SGCZ: variants seen among roughly 807,000 people sequenced by gnomAD.
The protein encoded by SGCZ is zeta-sarcoglycan.
In SGCZ, 40 loss-of-function variants were observed where a neutral mutation model predicts 41.3. That is an observed-to-expected ratio of 0.97 (90% confidence interval 0.75 to 1.26). The LOEUF (loss-of-function observed/expected upper bound fraction) is 1.26. Ranked by LOEUF, SGCZ falls within the 50% of genes most tolerant of loss-of-function variation. The pLI is 0.00. For missense variants in SGCZ, 552 were observed against 369.8 expected (o/e 1.49, Z -4.04); for synonymous variants, 206 against 137.5 (o/e 1.50, Z -3.49).
chr8:15,198,793 A>C (rs548450713), intron 1 of SGCZ, among the ~76,000 whole-genome samples: 8 of 152,276 alleles, frequency 5.3e-5, no homozygotes, highest in Admixed American at 3.3e-4. Context: ...AATGTCGCAC[A>C]GCTAAGTTAC....
In SGCZ at chr8:14,090,391, G is replaced by A. The variant is rs1359792278; in HGVS notation, c.*52C>T. 6.4e-7 allele frequency: 1 copy of A among 1,564,480 alleles called. No individual in the cohort carries two copies. Among genetic ancestry groups the A allele is most frequent in the Non-Finnish European group, 8.7e-7 (1 of 1,152,462 alleles). On this transcript the variant is annotated 3_prime_UTR_variant, in exon 8 of 8. Coordinates refer to ENST00000382080, the MANE Select transcript of SGCZ (RefSeq NM_139167.4). ...AAGGGAAACCGAGCAGAACTGTGAA[G>A]CAGACGGACAGGAACAAAAGGCTAT...
rs532883172 is a variant in SGCZ at position 15,062,827 on chromosome 8, C to T, written c.39+174758G>A. Among the ~76,000 whole-genome samples, 276 of 152,174 alleles carry T rather than the reference C, an allele frequency of 1.8e-3. 5 individuals carry two copies. Among genetic ancestry groups the T allele is most frequent in the South Asian group, 0.015 (71 of 4,826 alleles). On this transcript the variant is annotated intron_variant, in intron 1 of 7. Coordinates refer to ENST00000382080, the MANE Select transcript of SGCZ (RefSeq NM_139167.4). ...TAAAATATCACTACATATGATTAATCGATTTGGCTCCTTTTAGTAAAGATA... is the reference window on the plus strand; with the variant it reads ...TAAAATATCACTACATATGATTAATTGATTTGGCTCCTTTTAGTAAAGATA...
In SGCZ at chr8:14,709,909, T is replaced by G. The variant is rs542284473; in HGVS notation, c.40-154983A>C. 2.6e-5 allele frequency among the ~76,000 whole-genome samples: 4 copies of G among 152,244 alleles called. No homozygotes were observed. In the East Asian group the frequency reaches 7.7e-4, roughly 29 times the overall value. On this transcript the variant is annotated intron_variant, in intron 1 of 7. Transcript: ENST00000382080. ...TCTCCTTATTTTATAAATGAACAAG[T>G]AATTGTCTTAATATTATGTACCTGT... is the stretch of plus-strand genomic sequence containing the variant.
chr8:14,659,633 G>A (rs529840760), intron 1 of SGCZ, among the ~76,000 whole-genome samples: 22 of 152,174 alleles, frequency 1.4e-4, no homozygotes, highest in East Asian at 1.9e-4. Flanking sequence ...CATTTTAAAC[G>A]GTGGTCTTGG....
At chr8:14,160,267 G>T (rs943950364) in intron 5 of SGCZ, among the ~76,000 whole-genome samples, 2 of 152,132 alleles carry the variant, frequency 1.3e-5, no homozygotes, top group Non-Finnish European at 2.9e-5. Flanking sequence ...TTAAAGCAGA[G>T]TGGCTTATTC....
intron 1 of SGCZ, among the ~76,000 whole-genome samples, chr8:14,971,336 C>T (rs964635992): frequency 3.9e-5 from 6 of 152,016 alleles, no homozygotes; most frequent in Non-Finnish European, 7.4e-5. Context: ...AGCGAATATC[C>T]TTGTTTTGTT....
At chr8:14,090,682 A>G (rs559944337) in intron 7 of SGCZ, 45 bp from the exon 8 acceptor site, 1 of 1,539,402 alleles carries the variant, frequency 6.5e-7, no homozygotes, top group Admixed American at 1.8e-5. Flanking sequence ...TTAGAAATGT[A>G]GCATCGAGTA....
At chr8:14,607,865 G>A (rs1319512770) in intron 1 of SGCZ, among the ~76,000 whole-genome samples, 3 of 152,206 alleles carry the variant, frequency 2.0e-5, no homozygotes, top group Non-Finnish European at 2.9e-5. Context: ...AGTGTTAGAA[G>A]AAGGTGTTAG....
chr8:15,169,636 G>C (rs1171290558), intron 1 of SGCZ, among the ~76,000 whole-genome samples: 2 of 152,192 alleles, frequency 1.3e-5, no homozygotes, highest in Admixed American at 6.5e-5. Flanking sequence ...TTATTTCTTA[G>C]AATCCTGGAG....
At chr8:15,186,434 G>C (rs1399485594) in intron 1 of SGCZ, among the ~76,000 whole-genome samples, 1 of 152,004 alleles carries the variant, frequency 6.6e-6, no homozygotes, top group Non-Finnish European at 1.5e-5. Flanking sequence ...ACTCATAAAT[G>C]TAAAAACTGT....
At chr8:14,512,981 A>T (rs977541098) in intron 2 of SGCZ, among the ~76,000 whole-genome samples, 1 of 152,156 alleles carries the variant, frequency 6.6e-6, no homozygotes, top group Non-Finnish European at 1.5e-5. Context: ...ATCCACACTA[A>T]TTATTCAGGG....
chr8:14,489,441 T>C (rs1366283799), intron 2 of SGCZ, among the ~76,000 whole-genome samples: 1 of 152,158 alleles, frequency 6.6e-6, no homozygotes, highest in African/African-American at 2.4e-5. Flanking sequence ...ATTGACTTTT[T>C]TGCTTCAAAG....
chr8:14,929,775 C>A (rs1275548788), intron 1 of SGCZ, among the ~76,000 whole-genome samples: 1 of 151,890 alleles, frequency 6.6e-6, no homozygotes, highest in South Asian at 2.1e-4. Flanking sequence ...TGCCCAGAAA[C>A]AGATAACACC....
chr8:14,784,943 ATATTTTTTATAT>A (rs1470551663), intron 1 of SGCZ, among the ~76,000 whole-genome samples: 148 of 130,208 alleles, frequency 1.1e-3, no homozygotes, highest in Admixed American at 3.1e-3. Context: ...TAAAATATAT[ATATTTTTTATAT>A]TATATATATA....
intron 4 of SGCZ, among the ~76,000 whole-genome samples, chr8:14,231,100 A>C (rs1046756436): frequency 6.7e-6 from 1 of 150,342 alleles, no homozygotes. Flanking sequence ...CTTTTTTCTA[A>C]AAGGTGTCCT....
intron 2 of SGCZ, among the ~76,000 whole-genome samples, chr8:14,466,418 A>C (rs1285137031): frequency 6.6e-6 from 1 of 151,990 alleles, no homozygotes; most frequent in Non-Finnish European, 1.5e-5. Context: ...TTTGTCTTCC[A>C]AAGGTCTAGA....
At chr8:14,970,474 G>C (rs1585423261) in intron 1 of SGCZ, among the ~76,000 whole-genome samples, 2 of 152,180 alleles carry the variant, frequency 1.3e-5, no homozygotes, top group African/African-American at 4.8e-5. Flanking sequence ...TTAGGTCTAT[G>C]ATACATGCTG....
chr8:14,866,383 C>T (rs1803931482), intron 1 of SGCZ, among the ~76,000 whole-genome samples: 1 of 152,058 alleles, frequency 6.6e-6, no homozygotes, highest in African/African-American at 2.4e-5. Flanking sequence ...CAACATTCAG[C>T]ATCTTTTGAG....
At chr8:14,862,535 G>GATATATATATATAT (rs59769861) in intron 1 of SGCZ, among the ~76,000 whole-genome samples, 1 of 61,566 alleles carries the variant, frequency 1.6e-5, no homozygotes, top group African/African-American at 6.4e-5. Context: ...GCATCTTTAA[G>GATATATATATATAT]ATATATATAT....
Sources: allele counts gnomAD v4.1 joint callset (sites outside exome capture counted in the v4.1 genomes callset), GRCh38; gene constraint gnomAD v4.1.1; transcripts MANE v1.5; gene names NCBI Gene and HGNC (gene_info 2026-07-23, HGNC 2026-07-21).